RIT2: variants seen among roughly 807,000 people sequenced by gnomAD.
RIT2 encodes the protein GTP-binding protein Rit2.
Under a neutral mutation model 23.7 loss-of-function variants are expected in RIT2, and 24 were observed. That is an observed-to-expected ratio of 1.01 (90% CI 0.73 to 1.43). RIT2 has a LOEUF of 1.43. Ranked by LOEUF, RIT2 falls within the 40% of genes most tolerant of loss-of-function variation. The probability of loss-of-function intolerance (pLI) is 0.00; values close to 1 mark genes in which losing one functional copy is unlikely to be tolerated. For missense variants in RIT2, 236 were observed against 266.9 expected, an observed-to-expected ratio of 0.88 and a Z score of 0.81; for synonymous variants, 107 against 91.1, an observed-to-expected ratio of 1.17 and a Z score of -0.99.
rs117546341 is a variant in RIT2, at chr18:42,765,152, G to A, written c.427-21432C>T. Among the ~76,000 whole-genome samples the A allele has an allele frequency of 1.8e-3, 278 of 152,292 alleles. 1 individual carries two copies. The highest frequency in any genetic ancestry group is 2.4e-3 in the Non-Finnish European group (165 of 68,016). On this transcript the variant is annotated intron_variant, in intron 4 of 4. Transcript: ENST00000326695. Reference sequence around the variant, plus strand: ...GTAGGGTGAATGTTTTGCAATTATAGAAGCAATTAATATTTGGTTGTGTAA... The same window carrying A: ...GTAGGGTGAATGTTTTGCAATTATAAAAGCAATTAATATTTGGTTGTGTAA...
At chr18:42,800,896 A>C (rs1905523468) in intron 4 of RIT2, among the ~76,000 whole-genome samples, 1 of 151,974 alleles carries the variant, frequency 6.6e-6, no homozygotes, top group Non-Finnish European at 1.5e-5. Context: ...TGGAATTATT[A>C]CCTCTGACTG....
chr18:42,766,854 T>A (rs1444560779), intron 4 of RIT2, among the ~76,000 whole-genome samples: 2 of 152,304 alleles, frequency 1.3e-5, no homozygotes, highest in East Asian at 1.9e-4. Context: ...AAGGGCCAAC[T>A]TAGATTTTGG....
intron 4 of RIT2, among the ~76,000 whole-genome samples, chr18:42,884,742 G>A (rs1907977647): frequency 6.6e-6 from 1 of 152,142 alleles, no homozygotes; most frequent in African/African-American, 2.4e-5. Flanking sequence ...TGCAGAATAG[G>A]TAAAACTTCA....
intron 2 of RIT2, among the ~76,000 whole-genome samples, chr18:42,977,806 G>A (rs1910508406): frequency 6.7e-6 from 1 of 148,700 alleles, no homozygotes; most frequent in Non-Finnish European, 1.5e-5. Context: ...TGGAAAGTAT[G>A]ACTTGCAGGG....
chr18:43,013,323 G>A (rs1476502260), intron 2 of RIT2, among the ~76,000 whole-genome samples: 1 of 151,730 alleles, frequency 6.6e-6, no homozygotes, highest in East Asian at 1.9e-4. Context: ...ATAGCTAATA[G>A]TTTGCATGTA....
At chr18:43,033,092 T>C (rs1478288265) in intron 2 of RIT2, among the ~76,000 whole-genome samples, 1 of 152,150 alleles carries the variant, frequency 6.6e-6, no homozygotes, top group Non-Finnish European at 1.5e-5. Context: ...ACCAGTGTGT[T>C]TCTGACAAAG....
At chr18:42,920,686 C>T (rs1424944597) in intron 4 of RIT2, 16 of 1,567,630 alleles carry the variant, frequency 1.0e-5, no homozygotes, top group Non-Finnish European at 1.3e-5. Flanking sequence ...AATACAGGCA[C>T]CTATTCTTAC....
intron 4 of RIT2, among the ~76,000 whole-genome samples, chr18:42,799,378 T>G (rs146360489): frequency 6.6e-6 from 1 of 152,210 alleles, no homozygotes; most frequent in South Asian, 2.1e-4. Context: ...ATAATCATCT[T>G]TCATATCCAT....
chr18:43,049,062 T>C (rs932412115), intron 1 of RIT2, among the ~76,000 whole-genome samples: 2 of 152,198 alleles, frequency 1.3e-5, no homozygotes, highest in African/African-American at 2.4e-5. Flanking sequence ...CTCTTCTTAA[T>C]ACATAAATTG....
chr18:42,959,826 A>G (rs935018527), intron 3 of RIT2, among the ~76,000 whole-genome samples: 6 of 152,214 alleles, frequency 3.9e-5, no homozygotes, highest in Non-Finnish European at 8.8e-5. Flanking sequence ...GCCATTTATT[A>G]TATGCCTAAA....
intron 4 of RIT2, chr18:42,920,794 C>T: frequency 6.9e-7 from 1 of 1,457,714 alleles, no homozygotes; most frequent in Non-Finnish European, 9.5e-7. Context: ...AGTGAGAATC[C>T]TACTCCTTTG....
At chr18:42,745,105 T>C in intron 4 of RIT2, among the ~76,000 whole-genome samples, 1 of 152,266 alleles carries the variant, frequency 6.6e-6, no homozygotes, top group South Asian at 2.1e-4. Flanking sequence ...ATAAATTATA[T>C]ACATAAATTA....
chr18:43,108,300 G>T (rs959690410), intron 1 of RIT2, among the ~76,000 whole-genome samples: 1 of 151,984 alleles, frequency 6.6e-6, no homozygotes, highest in Non-Finnish European at 1.5e-5. Context: ...CCATATGTAG[G>T]CACATTAGGT....
At chr18:42,834,746 C>T (rs564394834) in intron 4 of RIT2, among the ~76,000 whole-genome samples, 1 of 152,180 alleles carries the variant, frequency 6.6e-6, no homozygotes, top group East Asian at 1.9e-4. Context: ...CAGTGAGGCA[C>T]TATACTATTT....
At chr18:42,928,839 CA>C (rs1323546383) in intron 3 of RIT2, among the ~76,000 whole-genome samples, 3 of 151,428 alleles carry the variant, frequency 2.0e-5, no homozygotes, top group Non-Finnish European at 4.4e-5. Context: ...TACCATTTTA[CA>C]GTTTTCAGAG....
intron 4 of RIT2, among the ~76,000 whole-genome samples, chr18:42,912,053 ATAT>A (rs1255775081): frequency 6.6e-6 from 1 of 151,850 alleles, no homozygotes; most frequent in Non-Finnish European, 1.5e-5. Flanking sequence ...TTTTATCAAA[ATAT>A]TATAGAAAAA....
At chr18:42,774,601 T>C (rs1392901221) in intron 4 of RIT2, among the ~76,000 whole-genome samples, 1 of 149,938 alleles carries the variant, frequency 6.7e-6, no homozygotes, top group African/African-American at 2.4e-5. Context: ...TTGAACATTA[T>C]CAATCGTTCA....
intron 1 of RIT2, among the ~76,000 whole-genome samples, chr18:43,111,726 A>C (rs1037794084): frequency 2.0e-5 from 3 of 152,246 alleles, no homozygotes; most frequent in East Asian, 1.9e-4. Flanking sequence ...CTTTGTATAC[A>C]TATCTGTTAC....
At chr18:42,987,060 T>A (rs956726000) in intron 2 of RIT2, among the ~76,000 whole-genome samples, 1 of 152,166 alleles carries the variant, frequency 6.6e-6, no homozygotes, top group Non-Finnish European at 1.5e-5. Flanking sequence ...TTTGGAACTA[T>A]CAACTAAAGC....
Sources: gnomAD v4.1 joint callset for allele counts (sites outside exome capture counted in the v4.1 genomes callset) on GRCh38, gnomAD v4.1.1 for gene constraint, MANE v1.5 for transcripts, NCBI Gene and HGNC (gene_info 2026-07-23, HGNC 2026-07-21) for gene names.